The following ENTREP3 variants were observed in gnomAD, a reference collection of about 807,000 sequenced individuals.
ENTREP3 encodes protein ENTREP3.
At chr1:155,250,598 TG>T in the ENTREP3 span, 5 of 1,606,972 alleles carry the variant, frequency 3.1e-6, no homozygotes, top group South Asian at 1.1e-5. The surrounding 1 kb of genome is among the most constrained non-coding windows in gnomAD (Gnocchi z 5.4). Context: ...GGGCAGCCCG[TG>T]GGGGGCGCCG....
At chr1:155,254,650 C>T in the ENTREP3 span, 4 of 1,606,356 alleles carry the variant, frequency 2.5e-6, no homozygotes, top group Non-Finnish European at 3.4e-6. The surrounding 1 kb of genome is among the most constrained non-coding windows in gnomAD (Gnocchi z 4.4). Context: ...GCACCCAACT[C>T]ACCGAGAACC....
chr1:155,251,098 C>T, the ENTREP3 span: 1 of 1,612,500 alleles, frequency 6.2e-7, no homozygotes, highest in Non-Finnish European at 8.5e-7. Context: ...TGCTCACCGT[C>T]TACAATGGAG....
chr1:155,252,658 C>T, the ENTREP3 span: 1 of 132,004 alleles, frequency 7.6e-6, no homozygotes, highest in African/African-American at 2.9e-5. Flanking sequence ...GCATGAGCCA[C>T]GGAGCCCAGC....
the ENTREP3 span, chr1:155,250,363 G>A: frequency 1.4e-6 from 2 of 1,392,430 alleles, no homozygotes; most frequent in Non-Finnish European, 1.9e-6. This position sits in a 1 kb window ranked among gnomAD's most constrained non-coding sequence, Gnocchi z 5.4. Context: ...GGAGGCCGGT[G>A]CCCCGGTGGG....
At chr1:155,252,060 CCTT>C in the ENTREP3 span, 1 of 551,204 alleles carries the variant, frequency 1.8e-6, no homozygotes, top group East Asian at 3.4e-5. Context: ...AATCAGCTCT[CCTT>C]AACCCCACGC....
chr1:155,251,569 A>G, the ENTREP3 span: 1 of 1,614,074 alleles, frequency 6.2e-7, no homozygotes, highest in Non-Finnish European at 8.5e-7. Context: ...GTACAAGGGC[A>G]CTGGGCTGTC....
At chr1:155,254,850 G>C in the ENTREP3 span, 2 of 1,585,710 alleles carry the variant, frequency 1.3e-6, no homozygotes, top group South Asian at 2.3e-5. This position sits in a 1 kb window ranked among gnomAD's most constrained non-coding sequence, Gnocchi z 4.4. Context: ...GTCAGCGAGC[G>C]GCTGGAGTCA....
the ENTREP3 span, chr1:155,253,145 G>A: frequency 6.5e-6 from 1 of 154,992 alleles, no homozygotes; most frequent in Non-Finnish European, 1.4e-5. Context: ...CTGATCTCAG[G>A]TGATCTGCCC....
chr1:155,254,068 C>G, the ENTREP3 span: 1,114 of 1,613,658 alleles, frequency 6.9e-4, no homozygotes, highest in Non-Finnish European at 8.2e-4. The surrounding 1 kb of genome is among the most constrained non-coding windows in gnomAD (Gnocchi z 4.4). Flanking sequence ...TCCAGCTCTC[C>G]CTCCTCAAAT....
the ENTREP3 span, among the ~76,000 whole-genome samples, chr1:155,249,879 C>T: frequency 2.4e-5 from 3 of 123,924 alleles, no homozygotes; most frequent in African/African-American, 1.1e-4. Context: ...GAGCGAGACA[C>T]CGTCTCAAAA....
the ENTREP3 span, chr1:155,248,100 A>C: frequency 1.2e-6 from 2 of 1,614,064 alleles, no homozygotes; most frequent in African/African-American, 1.3e-5. Context: ...GCTTTCCTGG[A>C]TATCTGGAGG....
chr1:155,248,613 TC>T, the ENTREP3 span: 1 of 703,516 alleles, frequency 1.4e-6, no homozygotes, highest in Non-Finnish European at 2.5e-6. Flanking sequence ...AGCATCTCTG[TC>T]CATATTAGCC....
chr1:155,247,508 G>A, the ENTREP3 span: 4 of 684,880 alleles, frequency 5.8e-6, no homozygotes, highest in Non-Finnish European at 1.1e-5. Flanking sequence ...CATTCTGAGG[G>A]GGACAAGAAT....
the ENTREP3 span, chr1:155,247,752 G>A: frequency 2.1e-6 from 3 of 1,458,516 alleles, no homozygotes; most frequent in African/African-American, 2.9e-5. Flanking sequence ...GCCTGTGGCT[G>A]GATGTGTTCA....
At chr1:155,251,490 C>T in the ENTREP3 span, 1 of 1,604,318 alleles carries the variant, frequency 6.2e-7, no homozygotes, top group East Asian at 2.2e-5. Flanking sequence ...CCAAGCCGTG[C>T]TGTGCTCTCA....
At chr1:155,250,744 ACGAGTCCTC>A in the ENTREP3 span, 1 of 1,613,066 alleles carries the variant, frequency 6.2e-7, no homozygotes, top group Non-Finnish European at 8.5e-7. This position sits in a 1 kb window ranked among gnomAD's most constrained non-coding sequence, Gnocchi z 5.4. Flanking sequence ...TCCAGCAGGC[ACGAGTCCTC>A]CGACGGGCTA....
the ENTREP3 span, among the ~76,000 whole-genome samples, chr1:155,252,516 C>T: frequency 6.7e-6 from 1 of 149,814 alleles, no homozygotes; most frequent in Non-Finnish European, 1.5e-5. Context: ...ATTACAGGCA[C>T]CCGCCACCAC....
chr1:155,254,636 C>T, the ENTREP3 span: 1 of 1,605,220 alleles, frequency 6.2e-7, no homozygotes, highest in Non-Finnish European at 8.5e-7. This position sits in a 1 kb window ranked among gnomAD's most constrained non-coding sequence, Gnocchi z 4.4. Flanking sequence ...CACCCAACAA[C>T]TGTGCACCCA....
At chr1:155,250,325 C>T in the ENTREP3 span, 14 of 1,547,572 alleles carry the variant, frequency 9.0e-6, no homozygotes, top group Non-Finnish European at 1.2e-5. The surrounding 1 kb of genome is among the most constrained non-coding windows in gnomAD (Gnocchi z 5.4). Context: ...ACCGTGGCAG[C>T]AGCAGCGGTG....
Sources: gnomAD v4.1 joint callset for allele counts (sites outside exome capture counted in the v4.1 genomes callset) on GRCh38, gnomAD v4.1.1 for gene constraint, Gnocchi (gnomAD v3.1) non-coding constraint, MANE v1.5 for transcripts, NCBI Gene and HGNC (gene_info 2026-07-23, HGNC 2026-07-21) for gene names.